KLHL15: variants seen among roughly 807,000 people sequenced by gnomAD.
The protein encoded by KLHL15 is kelch like family member 15, also known as kelch-like protein 15.
In KLHL15, 1 loss-of-function variant was observed where a neutral mutation model predicts 29.3. That is an observed-to-expected ratio of 0.03 (90% confidence interval 0.01 to 0.16). KLHL15 has a LOEUF of 0.16. Ranked by LOEUF, KLHL15 falls within the 10% of genes least tolerant of loss-of-function variation. KLHL15 has a pLI of 1.00. For missense variants in KLHL15, 215 were observed against 478.5 expected (o/e 0.45, Z 5.14); for synonymous variants, 212 against 184.5 (o/e 1.15, Z -1.21).
chrX:23,996,729 A>T (rs1929198219), intron 3 of KLHL15, among the ~76,000 whole-genome samples: 1 of 112,098 alleles, frequency 8.9e-6, no homozygotes, highest in South Asian at 3.6e-4. Context: ...TTCTCAGTAA[A>T]ACATGGAGCA....
rs35880434 is a variant in KLHL15, at chrX:23,994,046, C to CA, written c.706-5017dup. Among the ~76,000 whole-genome samples the CA allele has an allele frequency of 6.8e-3, 392 of 57,643 alleles. 5 individuals are homozygous for CA. Among genetic ancestry groups the CA allele is most frequent in the South Asian group, 0.033 (38 of 1,147 alleles). 50.1% of individuals were successfully genotyped at this position (57,643 alleles called of 115,157 possible). On this transcript the variant is annotated intron_variant, in intron 3 of 3. Coordinates refer to ENST00000328046, the MANE Select transcript of KLHL15 (RefSeq NM_030624.3). ...TGGGCAACAGAGTGAGACCTTGTCT[C>CA]AAAAAAAAAAAAAAAAGAAAAAAAG...
At chrX:24,015,135 T>G (rs900294397) in intron 2 of KLHL15, among the ~76,000 whole-genome samples, 1 of 112,154 alleles carries the variant, frequency 8.9e-6, no homozygotes, top group Admixed American at 9.5e-5. Flanking sequence ...TTTTTCCTAC[T>G]TATAACCAAG....
At chrX:24,015,121 T>C (rs1414848460) in intron 2 of KLHL15, among the ~76,000 whole-genome samples, 1 of 112,123 alleles carries the variant, frequency 8.9e-6, no homozygotes, top group African/African-American at 3.2e-5. Context: ...CTACCTTAGG[T>C]TGATTTTTCC....
At chrX:24,017,779 CAAAAAAAA>C (rs531099917) in intron 2 of KLHL15, among the ~76,000 whole-genome samples, 97 of 42,494 alleles carry the variant, frequency 2.3e-3, no homozygotes, top group Non-Finnish European at 3.8e-3. Flanking sequence ...GACCATGTCC[CAAAAAAAA>C]AAAAAAAAAA....
rs1179140041 is a variant in KLHL15, at chrX:24,024,911, G to C, written c.-62C>G. 3.4e-6 allele frequency: 1 copy of C among 296,649 alleles called. No homozygotes were observed. Among genetic ancestry groups the C allele is most frequent in the Non-Finnish European group, 5.9e-6 (1 of 169,897 alleles). 24.4% of individuals were successfully genotyped at this position (296,649 alleles called of 1,213,427 possible). ...ACGGCAGTCTGCATCAGGAAGAACC[G>C]GGCCAGCGGGCCGATGGGTGGGCGG... On this transcript the variant is annotated 5_prime_UTR_variant, in exon 2 of 4. Transcript: ENST00000328046.
intron 2 of KLHL15, among the ~76,000 whole-genome samples, chrX:24,008,391 C>T (rs1929498067): frequency 1.8e-5 from 2 of 111,445 alleles, no homozygotes; most frequent in South Asian, 7.4e-4. Context: ...CAGGCACCTG[C>T]TACACGCCCA....
In KLHL15 at chrX:24,005,966, C is replaced by CT. The variant is rs777367553; in HGVS notation, c.705+22dup. On this transcript the variant is annotated intron_variant, in intron 3 of 3. Transcript: ENST00000328046. ...GCCTTAACTAAATGATGAGTACTGT[C>CT]TATTGCTTTCAAATGCACTAACCTT... 2.6e-4 allele frequency: 295 copies of CT among 1,137,558 alleles called. 1 individual carries two copies. In the African/African-American group the frequency reaches 3.9e-3, roughly 15 times the overall value. 93.7% of individuals were successfully genotyped at this position (1,137,558 alleles called of 1,213,427 possible).
rs1164189772 is a variant in KLHL15 at position 23,984,227 on chromosome X, A to G, written c.*3694T>C. 8.9e-6 allele frequency: 1 copy of G among 112,249 alleles called. No homozygotes were observed. Among genetic ancestry groups the G allele is most frequent in the Non-Finnish European group, 1.9e-5 (1 of 53,212 alleles). 9.3% of individuals were successfully genotyped at this position (112,249 alleles called of 1,213,427 possible). A position where few individuals can be genotyped will look rare whatever the true frequency, so the allele number is the denominator to read the frequency against. On this transcript the variant is annotated 3_prime_UTR_variant, in exon 4 of 4. Coordinates refer to ENST00000328046, the MANE Select transcript of KLHL15 (RefSeq NM_030624.3). Reference sequence around the variant, plus strand: ...GTGTAATATTGAAGTTATACGGTGTACTGAAAGGATATGATTTCCATGAAT... The same window carrying G: ...GTGTAATATTGAAGTTATACGGTGTGCTGAAAGGATATGATTTCCATGAAT...
At chrX:24,003,647 A>ATGTGTG (rs10693389) in intron 3 of KLHL15, among the ~76,000 whole-genome samples, 12 of 96,480 alleles carry the variant, frequency 1.2e-4, no homozygotes, top group Admixed American at 3.3e-4. Context: ...GCATAAATAT[A>ATGTGTG]TGTGTGTGTG....
At chrX:24,025,919 G>A (rs903573125) in intron 1 of KLHL15, among the ~76,000 whole-genome samples, 7 of 110,990 alleles carry the variant, frequency 6.3e-5, no homozygotes, top group African/African-American at 2.0e-4. Flanking sequence ...CCCTTGCAGC[G>A]GTCTCTCTCC....
At chrX:24,025,247 G>A (rs759849836) in intron 1 of KLHL15, among the ~76,000 whole-genome samples, 189 bp from the exon 2 acceptor site, 6 of 111,074 alleles carry the variant, frequency 5.4e-5, no homozygotes, top group African/African-American at 1.6e-4. Flanking sequence ...AGAGACAGAA[G>A]CACCAGCCGA....
intron 2 of KLHL15, among the ~76,000 whole-genome samples, chrX:24,007,508 A>AATATATAT (rs759758947): frequency 1.7e-3 from 60 of 35,914 alleles, no homozygotes; most frequent in African/African-American, 7.1e-3. Flanking sequence ...AAAAAAAAAA[A>AATATATAT]ATATATATAT....
chrX:23,994,042 G>C (rs1175525109), intron 3 of KLHL15, among the ~76,000 whole-genome samples: 1 of 82,865 alleles, frequency 1.2e-5, no homozygotes, highest in Non-Finnish European at 2.1e-5. Context: ...GTGAGACCTT[G>C]TCTCAAAAAA....
chrX:23,998,032 G>C (rs1929230152), intron 3 of KLHL15, among the ~76,000 whole-genome samples: 1 of 110,931 alleles, frequency 9.0e-6, no homozygotes, highest in African/African-American at 3.3e-5. Context: ...CACAATCTCA[G>C]CGCACTGCAA....
At position 24,020,566 on chromosome X, in the gene KLHL15, C is replaced by T. The variant is rs1421785035; in HGVS notation, c.-8+4291G>A. Among the ~76,000 whole-genome samples the T allele has an allele frequency of 2.7e-5, 3 of 111,229 alleles. No homozygotes were observed. In the Admixed American group the frequency reaches 2.9e-4, roughly 11 times the overall value. On this transcript the variant is annotated intron_variant, in intron 2 of 3. Coordinates refer to ENST00000328046, the MANE Select transcript of KLHL15 (RefSeq NM_030624.3). ...CACTTTTCAGGTATGTTTAGCATTTCGTCATCCTATAATACAAGAAGCCTT... is the reference window on the plus strand; with the variant it reads ...CACTTTTCAGGTATGTTTAGCATTTTGTCATCCTATAATACAAGAAGCCTT...
At chrX:24,008,365 C>T (rs1488008671) in intron 2 of KLHL15, among the ~76,000 whole-genome samples, 1 of 111,314 alleles carries the variant, frequency 9.0e-6, no homozygotes, top group African/African-American at 3.3e-5. Flanking sequence ...CTCAGCCTCC[C>T]GAGTAGCTGG....
chrX:24,006,407 A>G lies in KLHL15; in HGVS notation c.287T>C (p.Leu96Pro). The change falls in exon 3 of 4, where the codon CTG (leucine) becomes CCG (proline). Residue 96 changes from leucine (L) to proline (P), a missense_variant. Leu to Pro is a moderately conservative substitution (Grantham distance 98). Transcript: ENST00000328046. ...AATCTCATGAACGGTATTCATACTC[A>G]GCTCTATAGTTCCATAGTACATAAA... ...LQFMYYGTIE[L>P]SMNTVHEILQ... 8.3e-7 allele frequency: 1 copy of G among 1,211,826 alleles called. No individual in the cohort carries two copies. The highest frequency in any genetic ancestry group is 1.1e-6 in the Non-Finnish European group (1 of 895,392).
At position 24,005,759 on chromosome X, in the gene KLHL15, T is replaced by C. The variant is rs777949143; in HGVS notation, c.705+230A>G. On this transcript the variant is annotated intron_variant, in intron 3 of 3. Coordinates refer to ENST00000328046, the MANE Select transcript of KLHL15 (RefSeq NM_030624.3). ...TTTAAAATAAAACTGTTTTACTACCTACGTGGTTTATCTTTCACCCACAAA... is the reference window on the plus strand; with the variant it reads ...TTTAAAATAAAACTGTTTTACTACCCACGTGGTTTATCTTTCACCCACAAA... Among the ~76,000 whole-genome samples, 4 of 112,405 alleles carry C rather than the reference T, an allele frequency of 3.6e-5. No homozygotes were observed. The South Asian group carries it at 1.5e-3, about 41-fold the overall frequency.
At chrX:23,989,717 C>T (rs191476737) in intron 3 of KLHL15, among the ~76,000 whole-genome samples, 16 of 111,170 alleles carry the variant, frequency 1.4e-4, no homozygotes, top group African/African-American at 4.2e-4. Context: ...TGTAAAATTT[C>T]GGGGTTTTGA....
Sources: gnomAD v4.1 joint callset for allele counts (sites outside exome capture counted in the v4.1 genomes callset) on GRCh38, gnomAD v4.1.1 for gene constraint, MANE v1.5 for transcripts, NCBI Gene and HGNC (gene_info 2026-07-23, HGNC 2026-07-21) for gene names.